Variants in ATRNL1 observed in about 807,000 individuals in gnomAD.
ATRNL1 encodes the protein attractin like 1.
In ATRNL1, 95 loss-of-function variants were observed where a neutral mutation model predicts 182.7. The observed-to-expected ratio is 0.52, with a 90% CI of 0.44 to 0.62. ATRNL1 has a LOEUF of 0.62. Among genes scored for constraint, ATRNL1 ranks in the 20% least tolerant of loss-of-function variants. The pLI is 0.00. For synonymous variants in ATRNL1, 576 were observed against 568.3 expected (o/e 1.01, Z -0.19); for missense variants, 1,471 against 1,679.5 (o/e 0.88, Z 2.17).
intron 27 of ATRNL1, among the ~76,000 whole-genome samples, chr10:115,824,571 T>C (rs925110274): frequency 1.3e-5 from 2 of 151,584 alleles, no homozygotes; most frequent in Non-Finnish European, 2.9e-5. Context: ...TTAAAGAAAC[T>C]TACAAGAAAA....
At chr10:115,122,681 A>G (rs528089852) in intron 3 of ATRNL1, among the ~76,000 whole-genome samples, 72 of 151,980 alleles carry the variant, frequency 4.7e-4, no homozygotes, top group Non-Finnish European at 9.3e-4. Context: ...ATTTTGTTCT[A>G]TTTTATCAGG....
chr10:115,926,323 G>A (rs199695644), intron 28 of ATRNL1, among the ~76,000 whole-genome samples: 13 of 206 alleles, frequency 0.063, no homozygotes, highest in South Asian at 0.25. Flanking sequence ...CCTCAAATCG[G>A]ACACCCTAAT....
chr10:115,729,910 A>G (rs1400397490), intron 27 of ATRNL1, among the ~76,000 whole-genome samples: 1 of 151,904 alleles, frequency 6.6e-6, no homozygotes, highest in Non-Finnish European at 1.5e-5. Context: ...TTGTTTGCTC[A>G]TGCATTTCTT....
At chr10:115,583,205 C>CT in intron 26 of ATRNL1, among the ~76,000 whole-genome samples, 1 of 146,518 alleles carries the variant, frequency 6.8e-6, no homozygotes, top group South Asian at 2.3e-4. Context: ...GTTCTTTTGG[C>CT]TTAGGATTGA....
intron 24 of ATRNL1, among the ~76,000 whole-genome samples, chr10:115,489,730 G>A (rs1257266954): frequency 2.0e-5 from 3 of 152,120 alleles, no homozygotes; most frequent in African/African-American, 7.2e-5. Context: ...TTACAGTTAA[G>A]GTTAATATTG....
chr10:115,403,733 T>C (rs1844692849), intron 20 of ATRNL1, among the ~76,000 whole-genome samples: 1 of 152,224 alleles, frequency 6.6e-6, no homozygotes, highest in Non-Finnish European at 1.5e-5. Flanking sequence ...ATTACAGGCA[T>C]GAGCCAGTGC....
intron 21 of ATRNL1, among the ~76,000 whole-genome samples, chr10:115,438,003 A>G (rs2134435797): frequency 6.6e-6 from 1 of 152,110 alleles, no homozygotes; most frequent in East Asian, 1.9e-4. Flanking sequence ...AGATCTCCTT[A>G]AATGGTATAG....
intron 21 of ATRNL1, among the ~76,000 whole-genome samples, chr10:115,450,692 A>G (rs974588981): frequency 6.6e-6 from 1 of 152,186 alleles, no homozygotes; most frequent in Non-Finnish European, 1.5e-5. Context: ...TAAAATTGCT[A>G]TACTGCCCAA....
At chr10:115,525,900 C>T (rs782746314) in intron 25 of ATRNL1, among the ~76,000 whole-genome samples, 4 of 152,132 alleles carry the variant, frequency 2.6e-5, no homozygotes, top group Admixed American at 1.3e-4. Context: ...CCTGCCAGTA[C>T]GTGCTCCCTA....
intron 21 of ATRNL1, among the ~76,000 whole-genome samples, chr10:115,427,005 G>C (rs146646511): frequency 6.6e-6 from 1 of 152,138 alleles, no homozygotes; most frequent in Admixed American, 6.5e-5. Flanking sequence ...TTACAGGCGT[G>C]AGCCACTGCA....
intron 28 of ATRNL1, among the ~76,000 whole-genome samples, chr10:115,873,029 C>T (rs1951620082): frequency 6.6e-6 from 1 of 152,158 alleles, no homozygotes; most frequent in South Asian, 2.1e-4. Flanking sequence ...TCTTTGTTTT[C>T]CTCATAGTAA....
chr10:115,659,438 A>G (rs1860536695), intron 26 of ATRNL1, among the ~76,000 whole-genome samples: 1 of 152,060 alleles, frequency 6.6e-6, no homozygotes, highest in Non-Finnish European at 1.5e-5. Context: ...TTCAGCATAT[A>G]TTTATTGTGC....
intron 7 of ATRNL1, among the ~76,000 whole-genome samples, chr10:115,167,139 G>A (rs188377261): frequency 6.6e-6 from 1 of 151,644 alleles, no homozygotes; most frequent in East Asian, 1.9e-4. Flanking sequence ...AACATCGTTT[G>A]TTAAAAAAGA....
chr10:115,792,353 T>A (rs1357747041), intron 27 of ATRNL1, among the ~76,000 whole-genome samples: 1 of 152,122 alleles, frequency 6.6e-6, no homozygotes, highest in Non-Finnish European at 1.5e-5. Context: ...AGATGTATCA[T>A]TCAGCTATAA....
At chr10:115,844,596 A>C (rs1396082678) in intron 27 of ATRNL1, among the ~76,000 whole-genome samples, 3 of 152,124 alleles carry the variant, frequency 2.0e-5, no homozygotes, top group African/African-American at 7.2e-5. Context: ...CTTGAAAATA[A>C]GAGTACAACA....
chr10:115,587,817 G>C (rs1370453077), intron 26 of ATRNL1, among the ~76,000 whole-genome samples: 1 of 151,322 alleles, frequency 6.6e-6, no homozygotes, highest in East Asian at 2.0e-4. Context: ...AACTTTTAAA[G>C]TAGATGTAAA....
chr10:115,509,061 C>G (rs559829253), intron 24 of ATRNL1, among the ~76,000 whole-genome samples: 1 of 151,968 alleles, frequency 6.6e-6, no homozygotes, highest in African/African-American at 2.4e-5. Flanking sequence ...TTCTGAAAAT[C>G]CTACGGTCCT....
intron 26 of ATRNL1, among the ~76,000 whole-genome samples, chr10:115,670,842 CT>C (rs1477020885): frequency 2.0e-5 from 3 of 152,092 alleles, no homozygotes; most frequent in African/African-American, 7.2e-5. Flanking sequence ...ACCTTTGTGA[CT>C]CACAGTTTCT....
At chr10:115,787,649 C>T (rs1235665204) in intron 27 of ATRNL1, among the ~76,000 whole-genome samples, 1 of 152,042 alleles carries the variant, frequency 6.6e-6, no homozygotes, top group African/African-American at 2.4e-5. Flanking sequence ...ATGATCCAAG[C>T]TCCTATTTCA....
Sources: gnomAD v4.1 joint callset for allele counts (sites outside exome capture counted in the v4.1 genomes callset) on GRCh38, gnomAD v4.1.1 for gene constraint, MANE v1.5 for transcripts, NCBI Gene and HGNC (gene_info 2026-07-23, HGNC 2026-07-21) for gene names.